The following ELF1 variants were observed in gnomAD, a reference collection of about 807,000 sequenced individuals.
The protein encoded by ELF1 is E74 like ETS transcription factor 1, also known as ETS-related transcription factor Elf-1.
A neutral mutation model predicts 59.9 loss-of-function variants in ELF1; 24 were observed. The ratio of observed to expected loss-of-function variants is 0.40; its 90% CI spans 0.29 to 0.56. The LOEUF is 0.56. ELF1 is among the 20% of genes least tolerant of loss of function. The pLI is 0.44. For missense variants in ELF1, 627 were observed against 742.2 expected (o/e 0.84, Z 1.80); for synonymous variants, 248 against 266.2 (o/e 0.93, Z 0.67).
intron 1 of ELF1, among the ~76,000 whole-genome samples, chr13:41,041,013 C>G (rs1263115900): frequency 6.6e-6 from 1 of 152,050 alleles, no homozygotes; most frequent in Non-Finnish European, 1.5e-5. Flanking sequence ...TTGGGGATGG[C>G]CTTTCTGAAA....
At chr13:40,970,842 G>A (rs780708770) in intron 2 of ELF1, among the ~76,000 whole-genome samples, 12 of 152,188 alleles carry the variant, frequency 7.9e-5, no homozygotes, top group South Asian at 6.2e-4. Flanking sequence ...CTACAGCGCT[G>A]TGTAAAAAGT....
chr13:41,005,905 T>A (rs535833318), intron 1 of ELF1, among the ~76,000 whole-genome samples: 5 of 152,198 alleles, frequency 3.3e-5, no homozygotes, highest in African/African-American at 1.2e-4. Flanking sequence ...AGCTATCTTA[T>A]CCATTCATAT....
rs1870728756 is a variant in ELF1, at chr13:40,949,741, A to T, written c.529+65T>A. On this transcript the variant is annotated intron_variant, in intron 5 of 8. Coordinates refer to ENST00000239882, the MANE Select transcript of ELF1 (RefSeq NM_172373.4). ...GCAGCAGGAAAGAACTATGTAGAATAAAAGTGATATCTAGATTTCACACCA... is the reference window on the plus strand; with the variant it reads ...GCAGCAGGAAAGAACTATGTAGAATTAAAGTGATATCTAGATTTCACACCA... The T allele has an allele frequency of 9.0e-6, 14 of 1,555,066 alleles. No homozygotes were observed. The South Asian group carries it at 1.2e-4, about 13-fold the overall frequency.
At chr13:40,988,982 G>A (rs374128628) in intron 1 of ELF1, among the ~76,000 whole-genome samples, 1 of 152,118 alleles carries the variant, frequency 6.6e-6, no homozygotes, top group Admixed American at 6.5e-5. Flanking sequence ...AATTTCAGTA[G>A]AGACAGTGTC....
chr13:40,958,698 C>A, intron 3 of ELF1, 138 bp downstream of exon 3: 1 of 1,175,256 alleles, frequency 8.5e-7, no homozygotes, highest in Non-Finnish European at 1.1e-6. Flanking sequence ...ATTTTCTTCT[C>A]CATGTAGGGC....
chr13:41,026,395 GA>G (rs1305089230), intron 1 of ELF1, among the ~76,000 whole-genome samples: 1 of 152,206 alleles, frequency 6.6e-6, no homozygotes, highest in Non-Finnish European at 1.5e-5. Context: ...CAAGTGACCA[GA>G]AAAGCTGCTA....
At chr13:41,006,197 AG>A (rs1305430829) in intron 1 of ELF1, among the ~76,000 whole-genome samples, 2 of 141,630 alleles carry the variant, frequency 1.4e-5, no homozygotes, top group African/African-American at 5.0e-5. Context: ...TTCAACCAGA[AG>A]GATCTTGCTC....
chr13:40,946,611 T>C lies in ELF1; in HGVS notation c.530-2686A>G, dbSNP rs79554319. ...GTCTCCTGCCTCCCCTTCCACTTCC[T>C]CCATCTCTTCCACCTCTGCTACTCC... On this transcript the variant is annotated intron_variant, in intron 5 of 8. Transcript: ENST00000239882. 7.4e-4 allele frequency among the ~76,000 whole-genome samples: 113 copies of C among 152,276 alleles called. 1 individual carries two copies. In the East Asian group the frequency reaches 0.021, roughly 29 times the overall value.
intron 1 of ELF1, among the ~76,000 whole-genome samples, chr13:41,013,239 T>C (rs9532700): frequency 0.081 from 12,307 of 152,210 alleles, 710 homozygotes; most frequent in Middle Eastern, 0.15. Context: ...AAACTATCTA[T>C]ACTCTGCAAA....
At chr13:40,947,592 G>A (rs1870581158) in intron 5 of ELF1, among the ~76,000 whole-genome samples, 1 of 152,174 alleles carries the variant, frequency 6.6e-6, no homozygotes, top group Admixed American at 6.5e-5. Context: ...ACTAACATTA[G>A]GAATTGCCAG....
chr13:40,967,972 A>AT (rs1872285173), intron 2 of ELF1, among the ~76,000 whole-genome samples: 1 of 151,258 alleles, frequency 6.6e-6, no homozygotes, highest in Non-Finnish European at 1.5e-5. Context: ...TTGGGATTTG[A>AT]TTTTGTTTTA....
At chr13:40,971,374 C>G (rs1872540475) in intron 2 of ELF1, among the ~76,000 whole-genome samples, 1 of 152,146 alleles carries the variant, frequency 6.6e-6, no homozygotes, top group Non-Finnish European at 1.5e-5. Flanking sequence ...CTTCCCAACT[C>G]AGCCTCCTGA....
chr13:40,966,757 A>AT (rs2138220175), intron 2 of ELF1, among the ~76,000 whole-genome samples: 1 of 152,366 alleles, frequency 6.6e-6, no homozygotes, highest in East Asian at 1.9e-4. Flanking sequence ...GTATATGGTG[A>AT]TTGTGAAACA....
At chr13:40,977,810 T>C (rs1361242862) in intron 2 of ELF1, among the ~76,000 whole-genome samples, 1 of 152,178 alleles carries the variant, frequency 6.6e-6, no homozygotes, top group Non-Finnish European at 1.5e-5. Flanking sequence ...TATAAAATGA[T>C]TCTAATGAAA....
chr13:40,944,896 G>T (rs973822689), intron 5 of ELF1, among the ~76,000 whole-genome samples: 5 of 151,986 alleles, frequency 3.3e-5, no homozygotes, highest in African/African-American at 1.2e-4. Context: ...AAAATCACAA[G>T]GTCAGTGACA....
At chr13:41,026,700 A>G (rs1184301502) in intron 1 of ELF1, among the ~76,000 whole-genome samples, 1 of 152,164 alleles carries the variant, frequency 6.6e-6, no homozygotes, top group African/African-American at 2.4e-5. Flanking sequence ...TTATCATGCA[A>G]TCTACTTGGA....
intron 3 of ELF1, among the ~76,000 whole-genome samples, chr13:40,956,285 GCTCT>G (rs1265720278): frequency 6.6e-6 from 1 of 151,892 alleles, no homozygotes; most frequent in Non-Finnish European, 1.5e-5. Flanking sequence ...CCAACCCTGT[GCTCT>G]CTGAAACATG....
intron 2 of ELF1, among the ~76,000 whole-genome samples, chr13:40,980,097 G>A (rs1474594202): frequency 6.6e-6 from 1 of 152,144 alleles, no homozygotes; most frequent in African/African-American, 2.4e-5. Flanking sequence ...AACTCACCAA[G>A]AGTTGTAAAC....
intron 8 of ELF1, among the ~76,000 whole-genome samples, chr13:40,939,440 T>C (rs917209598): frequency 6.6e-6 from 1 of 152,086 alleles, no homozygotes; most frequent in African/African-American, 2.4e-5. Context: ...ATACAGATGC[T>C]AAAAAAATTC....
Sources: allele counts gnomAD v4.1 joint callset (sites outside exome capture counted in the v4.1 genomes callset), GRCh38; gene constraint gnomAD v4.1.1; transcripts MANE v1.5; gene names NCBI Gene and HGNC (gene_info 2026-07-23, HGNC 2026-07-21).